The following STK38 variants were observed in gnomAD, a reference collection of about 807,000 sequenced individuals.
The protein encoded by STK38 is serine/threonine kinase 38.
Under a neutral mutation model 59.0 loss-of-function variants are expected in STK38, and 26 were observed. The observed-to-expected ratio is 0.44, with a 90% CI of 0.32 to 0.61. STK38 has a LOEUF of 0.61. STK38 is among the 20% of genes least tolerant of loss of function. The pLI, the probability that STK38 is intolerant of heterozygous loss-of-function variation, is 0.04. For missense variants in STK38, 433 were observed against 566.0 expected, an observed-to-expected ratio of 0.76 and a Z score of 2.38; for synonymous variants, 175 against 176.6, an observed-to-expected ratio of 0.99 and a Z score of 0.07.
At chr6:36,500,259 G>C (rs1776804304) in intron 9 of STK38, among the ~76,000 whole-genome samples, 1 of 152,010 alleles carries the variant, frequency 6.6e-6, no homozygotes, top group Admixed American at 6.6e-5. Context: ...AATTTACTGA[G>C]CACCCATTAA....
At chr6:36,500,829 A>C (rs2127467375) in intron 9 of STK38, among the ~76,000 whole-genome samples, 1 of 152,060 alleles carries the variant, frequency 6.6e-6, no homozygotes, top group African/African-American at 2.4e-5. Context: ...TATGATACAC[A>C]TTCTTTGATT....
intron 1 of STK38, among the ~76,000 whole-genome samples, chr6:36,542,683 G>A (rs184961796): frequency 1.8e-4 from 27 of 151,930 alleles, no homozygotes; most frequent in East Asian, 5.9e-4. Flanking sequence ...GGTGGCTCAC[G>A]CCTGTAATCC....
intron 9 of STK38, among the ~76,000 whole-genome samples, chr6:36,502,044 C>T (rs4236051): frequency 0.058 from 8,877 of 152,224 alleles, 594 homozygotes; most frequent in Admixed American, 0.17. Flanking sequence ...AAACCAACCC[C>T]GGTGGGGATT....
chr6:36,518,242 G>A (rs1413276588), intron 5 of STK38, among the ~76,000 whole-genome samples: 1 of 152,182 alleles, frequency 6.6e-6, no homozygotes, highest in East Asian at 1.9e-4. Context: ...GTCTGCACTA[G>A]TATCTGCAAC....
At chr6:36,511,931 C>T (rs780157421) in intron 7 of STK38, among the ~76,000 whole-genome samples, 10 of 151,926 alleles carry the variant, frequency 6.6e-5, no homozygotes, top group African/African-American at 1.4e-4. Flanking sequence ...TGGTGGTGCA[C>T]GCCTGTAATC....
chr6:36,534,168 T>C (rs114530128), intron 2 of STK38, among the ~76,000 whole-genome samples: 7 of 151,918 alleles, frequency 4.6e-5, no homozygotes, highest in East Asian at 1.9e-4. Flanking sequence ...AATCAGTCCA[T>C]GTAACTCACC....
chr6:36,497,897 C>T (rs370280122), intron 11 of STK38, 22 bp from the exon 12 acceptor site: 6 of 1,528,406 alleles, frequency 3.9e-6, no homozygotes, highest in Non-Finnish European at 5.4e-6. Context: ...AGAGGCCTTT[C>T]AGCACATCTC....
chr6:36,529,728 T>C lies in STK38; in HGVS notation c.132-4086A>G, dbSNP rs142788682. On this transcript the variant is annotated intron_variant, in intron 2 of 13. Transcript: ENST00000229812. Reference sequence around the variant, plus strand: ...TTTGTACACAGCTACTTTCTAAATGTATGCTGCTAAATTTTAAAAAGTCAG... The same window carrying C: ...TTTGTACACAGCTACTTTCTAAATGCATGCTGCTAAATTTTAAAAAGTCAG... 6.2e-3 allele frequency among the ~76,000 whole-genome samples: 942 copies of C among 152,318 alleles called. 10 individuals are homozygous for C. The highest frequency in any genetic ancestry group is 0.022 in the African/African-American group (904 of 41,554).
chr6:36,538,010 C>G (rs1777838227), intron 2 of STK38, among the ~76,000 whole-genome samples: 1 of 151,844 alleles, frequency 6.6e-6, no homozygotes, highest in African/African-American at 2.4e-5. Flanking sequence ...ATGATAGAAA[C>G]AAAATCACAA....
At chr6:36,534,328 T>C (rs1292290435) in intron 2 of STK38, among the ~76,000 whole-genome samples, 1 of 152,034 alleles carries the variant, frequency 6.6e-6, no homozygotes, top group African/African-American at 2.4e-5. Flanking sequence ...CACCTACTCA[T>C]GATAAAAATT....
chr6:36,536,565 C>T (rs1188234469), intron 2 of STK38, among the ~76,000 whole-genome samples: 1 of 151,960 alleles, frequency 6.6e-6, no homozygotes, highest in African/African-American at 2.4e-5. Context: ...CTGAGTTTCG[C>T]TCTCGTTGCC....
intron 9 of STK38, among the ~76,000 whole-genome samples, chr6:36,501,087 G>C (rs1776826785): frequency 6.6e-6 from 1 of 152,078 alleles, no homozygotes; most frequent in Non-Finnish European, 1.5e-5. Flanking sequence ...ATAGTAGCTA[G>C]GACCACAGGT....
intron 2 of STK38, among the ~76,000 whole-genome samples, chr6:36,538,718 C>T (rs1777856848): frequency 6.6e-6 from 1 of 151,862 alleles, no homozygotes; most frequent in Middle Eastern, 3.4e-3. Context: ...ACAGTGAAAC[C>T]CTGTCTCTAC....
intron 6 of STK38, among the ~76,000 whole-genome samples, chr6:36,516,759 T>C (rs910753530): frequency 5.3e-5 from 8 of 152,094 alleles, no homozygotes; most frequent in African/African-American, 1.4e-4. Flanking sequence ...GCCCAGATGA[T>C]TGGAGAGCTC....
chr6:36,495,920 A>T lies in STK38; in HGVS notation c.1268-6T>A, dbSNP rs1294114871. On this transcript the variant is annotated splice_polypyrimidine_tract_variant and splice_region_variant and intron_variant, in intron 13 of 13. Transcript: ENST00000229812. ...AGGATGATTACTTGTGGCCACTGGG[A>T]AAGAAATAGATGTGAGAGTTGATTC... The T allele has an allele frequency of 6.2e-7, 1 of 1,613,800 alleles. No homozygotes were observed. The highest frequency in any genetic ancestry group is 1.7e-5 in the Admixed American group (1 of 59,934).
chr6:36,523,337 A>G lies in STK38; in HGVS notation c.306+1004T>C, dbSNP rs370357997. 3.2e-3 allele frequency among the ~76,000 whole-genome samples: 460 copies of G among 145,792 alleles called. 1 individual carries two copies. The highest frequency in any genetic ancestry group is 0.011 in the African/African-American group (433 of 39,088). ...GAGTGCAATGGTGCAATCTCGGCTC[A>G]CTGCAACCTCTGCCTCCTGGGTTCA... On this transcript the variant is annotated intron_variant, in intron 4 of 13. Transcript: ENST00000229812.
Position 36,540,331 on chromosome 6 carries a change from G to A in STK38, c.-5-124C>T, listed in dbSNP as rs1777903285. On this transcript the variant is annotated intron_variant, in intron 1 of 13. Transcript: ENST00000229812. ...TTTCTGGAGGACAAACAGGTAATAT[G>A]TAACAAAAGCCAGAGAAAGAGAATA... The A allele has an allele frequency of 3.3e-6, 3 of 898,428 alleles. No individual in the cohort carries two copies. In the African/African-American group the frequency reaches 5.1e-5, roughly 15 times the overall value. 55.7% of individuals were successfully genotyped at this position (898,428 alleles called of 1,614,324 possible).
Position 36,498,485 on chromosome 6 carries a change from G to C in STK38, c.954C>G (p.Gly318=). The C allele has an allele frequency of 6.2e-7, 1 of 1,607,928 alleles. No homozygotes were observed. Residue 318 remains glycine, a splice_region_variant and synonymous_variant, in exon 11 of 14, where the codon GGC becomes GGG. Coordinates refer to ENST00000229812, the MANE Select transcript of STK38 (RefSeq NM_007271.4). ...GGGTCTCAGAACAGAAAGGTGGGTA[G>C]CCTGTAATAAAAAAGGAACTTCGGA... ...LGVIMYEMLI[G]YPPFCSETPQ...
intron 2 of STK38, among the ~76,000 whole-genome samples, chr6:36,526,841 C>CAGAG (rs1404831377): frequency 6.6e-6 from 1 of 151,588 alleles, no homozygotes; most frequent in East Asian, 2.0e-4. Flanking sequence ...CTGCAGTGAG[C>CAGAG]AGAGATCACA....
Sources: allele counts gnomAD v4.1 joint callset (sites outside exome capture counted in the v4.1 genomes callset), GRCh38; gene constraint gnomAD v4.1.1; transcripts MANE v1.5; gene names NCBI Gene and HGNC (gene_info 2026-07-23, HGNC 2026-07-21).